Variants in CAPG observed in about 807,000 individuals in gnomAD.
The protein encoded by CAPG is capping actin protein, gelsolin like.
In CAPG, 32 loss-of-function variants were observed where a neutral mutation model predicts 44.6. That is an observed-to-expected ratio of 0.72 (90% CI 0.54 to 0.96). The LOEUF is 0.96. Among genes scored for constraint, CAPG ranks in the 50% least tolerant of loss-of-function variants. CAPG has a pLI of 0.00. For synonymous variants in CAPG, 175 were observed against 179.6 expected (o/e 0.97, Z 0.20); for missense variants, 412 against 438.3 (o/e 0.94, Z 0.54).
At chr2:85,407,636 C>G (rs1370352517) in intron 1 of CAPG, among the ~76,000 whole-genome samples, 1 of 147,668 alleles carries the variant, frequency 6.8e-6, no homozygotes, top group African/African-American at 2.5e-5. Context: ...TTGCTTGAAC[C>G]TGGGAGGTGG....
rs567151587 is a variant in CAPG, at chr2:85,401,863, C to A, written c.118G>T (p.Gly40Cys). The part of the protein sequence containing the change: ...KPVPVAQENQ[G>C]VFFSGDSYLV... ...TAGGAGTCCCCCGAGAAGAAGACGC[C>A]CTGGTTCTCTTGCGCCACAGGCACC... The change falls in exon 3 of 10, where the codon GGC (glycine) becomes TGC (cysteine). Residue 40 changes from glycine to cysteine, a missense_variant. By Grantham distance (159) the Gly-to-Cys change is radical. Coordinates refer to ENST00000263867, the MANE Select transcript of CAPG (RefSeq NM_001747.4). 1.0e-4 allele frequency: 167 copies of A among 1,614,014 alleles called. No homozygotes were observed. The highest frequency in any genetic ancestry group is 1.3e-4 in the Non-Finnish European group (157 of 1,180,010).
rs1401164185 is a variant in CAPG, at chr2:85,395,401, C to G, written c.981+137G>C. The stretch of plus-strand genomic sequence containing the variant: ...TGAAGGATTGAGATGGGCTTTCCCA[C>G]TGGATGGGTCTAAGAGGGAGGCCTG... On this transcript the variant is annotated intron_variant, in intron 9 of 9. Transcript: ENST00000263867. This position sits in a 1 kb window ranked among gnomAD's most constrained non-coding sequence, Gnocchi z 4.3. 3 of 662,118 alleles carry G rather than the reference C, an allele frequency of 4.5e-6. No individual in the cohort carries two copies. The highest frequency in any genetic ancestry group is 8.2e-6 in the Non-Finnish European group (3 of 367,652). 41.0% of individuals were successfully genotyped at this position (662,118 alleles called of 1,614,324 possible).
At chr2:85,403,960 A>G (rs1367516545) in intron 1 of CAPG, among the ~76,000 whole-genome samples, 8 of 151,724 alleles carry the variant, frequency 5.3e-5, no homozygotes, top group African/African-American at 1.9e-4. Context: ...AAAATAAACC[A>G]TGATGACCAA....
At chr2:85,417,332 G>A (rs1013053401) in intron 1 of CAPG, among the ~76,000 whole-genome samples, 2 of 152,152 alleles carry the variant, frequency 1.3e-5, no homozygotes, top group Admixed American at 1.3e-4. Context: ...AGATAAAGTA[G>A]GTCAAAATCA....
downstream of CAPG, among the ~76,000 whole-genome samples, chr2:85,393,335 C>T (rs534596110): frequency 1.2e-4 from 19 of 152,150 alleles, no homozygotes; most frequent in South Asian, 3.7e-3. Flanking sequence ...CGTGCCCAGC[C>T]ACAAAAATCT....
rs200659144 is a variant in CAPG, at chr2:85,402,130, G to A, written c.16C>T (p.Pro6Ser). The change falls in exon 2 of 10, where the codon CCC becomes TCC. Residue 6 changes from proline (P) to serine (S), a missense_variant. Pro to Ser is a moderately conservative substitution (Grantham distance 74, BLOSUM62 -1). Transcript: ENST00000263867. Reference protein sequence around the residue: MYTAIPQSGSPFPGSV... With the variant: MYTAISQSGSPFPGSV... ...ATGGGGCATGCAGCTTACCTCTGGGGAATGGCTGTGTACATGCTGTCTTCA... is the reference window on the plus strand; with the variant it reads ...ATGGGGCATGCAGCTTACCTCTGGGAAATGGCTGTGTACATGCTGTCTTCA... The A allele has an allele frequency of 6.0e-5, 96 of 1,607,462 alleles. No homozygotes were observed. The highest frequency in any genetic ancestry group is 7.7e-5 in the Non-Finnish European group (91 of 1,176,456).
intron 1 of CAPG, among the ~76,000 whole-genome samples, chr2:85,404,516 C>T (rs1013464278): frequency 1.3e-4 from 20 of 152,074 alleles, no homozygotes; most frequent in Admixed American, 2.6e-4. Flanking sequence ...TTTGGGAGGC[C>T]GAGGTGGGTG....
chr2:85,400,084 G>A (rs757651026), intron 5 of CAPG, among the ~76,000 whole-genome samples: 7 of 152,066 alleles, frequency 4.6e-5, no homozygotes, highest in African/African-American at 9.7e-5. Context: ...ATGTTTAAAC[G>A]TCTCTTAACC....
chr2:85,395,770 G>A lies in CAPG; in HGVS notation c.893-144C>T. The A allele has an allele frequency of 1.6e-6, 1 of 626,430 alleles. No homozygotes were observed. Among genetic ancestry groups the A allele is most frequent in the Non-Finnish European group, 2.8e-6 (1 of 351,214 alleles). 38.8% of individuals were successfully genotyped at this position (626,430 alleles called of 1,614,324 possible). A position where few individuals can be genotyped will look rare whatever the true frequency, so the allele number is the denominator to read the frequency against. On this transcript the variant is annotated intron_variant, in intron 8 of 9. Coordinates refer to ENST00000263867, the MANE Select transcript of CAPG (RefSeq NM_001747.4). The surrounding 1 kb of genome is among the most constrained non-coding windows in gnomAD (Gnocchi z 4.3). ...GACCAGGGGTCCCAAGAATGCCGAG[G>A]GGCTCTTTGGAGATGTGGAGTCAGT...
intron 8 of CAPG, among the ~76,000 whole-genome samples, chr2:85,397,358 G>A (rs1199943515): frequency 6.6e-6 from 1 of 152,198 alleles, no homozygotes; most frequent in Non-Finnish European, 1.5e-5. Flanking sequence ...GCCGTGGGGT[G>A]ATTCTGAGGC....
At chr2:85,417,240 C>T (rs1246161200) in intron 1 of CAPG, among the ~76,000 whole-genome samples, 2 of 152,192 alleles carry the variant, frequency 1.3e-5, no homozygotes, top group Non-Finnish European at 2.9e-5. Context: ...ATATGATTTT[C>T]TCATTTAATC....
chr2:85,395,896 G>A lies in CAPG; in HGVS notation c.893-270C>T. 1 of 443,872 alleles carries A rather than the reference G, an allele frequency of 2.3e-6. No homozygotes were observed. Among genetic ancestry groups the A allele is most frequent in the African/African-American group, 2.0e-5 (1 of 50,860 alleles). 27.5% of individuals were successfully genotyped at this position (443,872 alleles called of 1,614,324 possible). A position where few individuals can be genotyped will look rare whatever the true frequency, so the allele number is the denominator to read the frequency against. ...AACTCTGCTCTGACCTGGGCCCCTGGAATATTTCAGGGAGGGGAACAGGTG... is the reference window on the plus strand; with the variant it reads ...AACTCTGCTCTGACCTGGGCCCCTGAAATATTTCAGGGAGGGGAACAGGTG... On this transcript the variant is annotated intron_variant, in intron 8 of 9. Coordinates refer to ENST00000263867, the MANE Select transcript of CAPG (RefSeq NM_001747.4). The surrounding 1 kb of genome is among the most constrained non-coding windows in gnomAD (Gnocchi z 4.3).
At chr2:85,407,656 T>C (rs1258225355) in intron 1 of CAPG, among the ~76,000 whole-genome samples, 1 of 126,084 alleles carries the variant, frequency 7.9e-6, no homozygotes, top group Admixed American at 1.0e-4. Flanking sequence ...GAGGTTGCAG[T>C]AAGCCGAGAT....
At chr2:85,408,740 G>A (rs1371103666) in intron 1 of CAPG, 2 of 152,030 alleles carry the variant, frequency 1.3e-5, no homozygotes, top group Non-Finnish European at 2.9e-5. Flanking sequence ...AACCGCAGAC[G>A]AACTTCCTCT....
upstream of CAPG, among the ~76,000 whole-genome samples, chr2:85,415,126 G>A (rs1025085781): frequency 3.9e-5 from 6 of 152,160 alleles, no homozygotes; most frequent in African/African-American, 7.2e-5. Flanking sequence ...ACCACCTCCC[G>A]CTGCCTACTA....
chr2:85,401,724 C>G lies in CAPG; in HGVS notation c.197-41G>C, dbSNP rs768184767. 1.4e-5 allele frequency: 23 copies of G among 1,613,190 alleles called. No homozygotes were observed. In the South Asian group the frequency reaches 2.3e-4, roughly 16 times the overall value. ...GAGGGCAGGGCAAGGCCCTTGTGAT[C>G]CATACCAGCCCCCTCCCTCCCCTTC... is the stretch of plus-strand genomic sequence containing the variant. On this transcript the variant is annotated intron_variant, in intron 3 of 9. Transcript: ENST00000263867.
intron 8 of CAPG, 126 bp downstream of exon 8, chr2:85,397,894 A>G (rs945961571): frequency 1.1e-6 from 1 of 944,878 alleles, no homozygotes. Flanking sequence ...ATGGTCAGCC[A>G]GAAGCATGCA....
chr2:85,412,075 G>T (rs1445235873), upstream of CAPG, among the ~76,000 whole-genome samples: 2 of 149,086 alleles, frequency 1.3e-5, no homozygotes, highest in African/African-American at 4.9e-5. Context: ...AAAAAAAAAA[G>T]CAATACTGGA....
rs534343285 is a variant in CAPG at position 85,395,081 on chromosome 2, A to T, written c.982-123T>A. ...GGGCGCCTGGCCTGAATCCATGTGCAGTCCAGGCTGGGAAAGCTCCCCTGG... is the reference window on the plus strand; with the variant it reads ...GGGCGCCTGGCCTGAATCCATGTGCTGTCCAGGCTGGGAAAGCTCCCCTGG... On this transcript the variant is annotated intron_variant, in intron 9 of 9. Coordinates refer to ENST00000263867, the MANE Select transcript of CAPG (RefSeq NM_001747.4). This position sits in a 1 kb window ranked among gnomAD's most constrained non-coding sequence, Gnocchi z 4.3. 3 of 704,692 alleles carry T rather than the reference A, an allele frequency of 4.3e-6. No individual in the cohort carries two copies. The South Asian group carries it at 4.7e-5, about 11-fold the overall frequency. The allele number at this position is 704,692 out of a possible 1,614,324, so 43.7% of individuals were successfully genotyped here.
Sources: gnomAD v4.1 joint callset for allele counts (sites outside exome capture counted in the v4.1 genomes callset) on GRCh38, gnomAD v4.1.1 for gene constraint, Gnocchi (gnomAD v3.1) non-coding constraint, MANE v1.5 for transcripts, NCBI Gene and HGNC (gene_info 2026-07-23, HGNC 2026-07-21) for gene names.